Variants in HS6ST2 observed in about 807,000 individuals in gnomAD.
HS6ST2 encodes heparan-sulfate 6-O-sulfotransferase 2.
A neutral mutation model predicts 33.0 loss-of-function variants in HS6ST2; 17 were observed. The observed-to-expected ratio is 0.52, with a 90% CI of 0.35 to 0.77. The LOEUF (loss-of-function observed/expected upper bound fraction) is 0.77. Among genes scored for constraint, HS6ST2 ranks in the 30% least tolerant of loss-of-function variants. HS6ST2 has a pLI of 0.01. For missense variants in HS6ST2, 519 were observed against 551.7 expected, an observed-to-expected ratio of 0.94 and a Z score of 0.59; for synonymous variants, 248 against 237.1, an observed-to-expected ratio of 1.05 and a Z score of -0.42.
chrX:132,654,513 T>A lies in HS6ST2; in HGVS notation c.1067+14600A>T, dbSNP rs188385241. 2.2e-3 allele frequency among the ~76,000 whole-genome samples: 246 copies of A among 111,716 alleles called. 2 individuals are homozygous for A. Among genetic ancestry groups the A allele is most frequent in the Middle Eastern group, 4.7e-3 (1 of 213 alleles). On this transcript the variant is annotated intron_variant, in intron 4 of 4. Coordinates refer to ENST00000370833, the MANE Select transcript of HS6ST2 (RefSeq NM_001394073.1). ...TACTATAGTTGGCTCAATACCAAAATCCTCAACAAAATGCTCTTTGTTTAA... is the reference window on the plus strand; with the variant it reads ...TACTATAGTTGGCTCAATACCAAAAACCTCAACAAAATGCTCTTTGTTTAA...
chrX:132,732,477 C>T (rs767523837), intron 2 of HS6ST2, among the ~76,000 whole-genome samples: 3 of 111,741 alleles, frequency 2.7e-5, no homozygotes, highest in South Asian at 3.8e-4. Context: ...ACCGTTTGGC[C>T]GTGTTCCCAT....
At chrX:132,682,762 G>A (rs1047022570) in intron 3 of HS6ST2, among the ~76,000 whole-genome samples, 2 of 109,647 alleles carry the variant, frequency 1.8e-5, no homozygotes, top group Non-Finnish European at 3.8e-5. Flanking sequence ...TAAAACCCCA[G>A]AAGGGGAGTA....
At chrX:132,799,514 C>G (rs1359684855) in intron 2 of HS6ST2, among the ~76,000 whole-genome samples, 1 of 109,645 alleles carries the variant, frequency 9.1e-6, no homozygotes, top group Non-Finnish European at 1.9e-5. Flanking sequence ...AGCTATACTA[C>G]AGGTGCATGC....
In HS6ST2 at chrX:132,665,762, T is replaced by C. The variant is rs189974802; in HGVS notation, c.1067+3351A>G. 6.1e-4 allele frequency among the ~76,000 whole-genome samples: 65 copies of C among 107,157 alleles called. 2 individuals are homozygous for C. The East Asian group carries it at 0.018, about 30-fold the overall frequency. The allele number at this position is 107,157 out of a possible 115,157, so 93.1% of individuals were successfully genotyped here. On this transcript the variant is annotated intron_variant, in intron 4 of 4. Transcript: ENST00000370833. Reference sequence around the variant, plus strand: ...GTTCTGCACTGAAGTTTTTTTTTTTTCTGTCTTGTCAATTTGGCTCACTGT... The same window carrying C: ...GTTCTGCACTGAAGTTTTTTTTTTTCCTGTCTTGTCAATTTGGCTCACTGT...
chrX:132,650,773 T>TCTCTCTCTCTCTCTC (rs2063685498), intron 4 of HS6ST2, among the ~76,000 whole-genome samples: 8 of 51,641 alleles, frequency 1.5e-4, no homozygotes, highest in Admixed American at 5.2e-4. Context: ...CTCTCTCTCT[T>TCTCTCTCTCTCTCTC]CTTTTTTGTT....
chrX:132,713,648 T>A (rs2064250821), intron 2 of HS6ST2, among the ~76,000 whole-genome samples: 1 of 111,828 alleles, frequency 8.9e-6, no homozygotes, highest in Admixed American at 9.4e-5. Flanking sequence ...ATGTTTGGCA[T>A]GAGAATACTG....
chrX:132,674,684 T>C (rs1324290649), intron 3 of HS6ST2, among the ~76,000 whole-genome samples: 5 of 112,457 alleles, frequency 4.4e-5, no homozygotes, highest in Non-Finnish European at 9.4e-5. Context: ...TATATTATTT[T>C]CTCATTTAAG....
chrX:132,913,121 G>A (rs779305674), intron 2 of HS6ST2, among the ~76,000 whole-genome samples: 211 of 111,214 alleles, frequency 1.9e-3, no homozygotes, highest in African/African-American at 6.1e-3. Flanking sequence ...ACTGAGAGCT[G>A]CCATGCAATA....
chrX:132,698,748 C>G (rs2064121334), intron 3 of HS6ST2, among the ~76,000 whole-genome samples: 1 of 111,574 alleles, frequency 9.0e-6, no homozygotes, highest in Non-Finnish European at 1.9e-5. Context: ...CCCTATCTAG[C>G]ACTCCACTTA....
intron 2 of HS6ST2, among the ~76,000 whole-genome samples, chrX:132,953,863 T>C (rs2067040899): frequency 8.9e-6 from 1 of 112,409 alleles, no homozygotes; most frequent in African/African-American, 3.2e-5. Context: ...CAACATTTAT[T>C]GTGTTCATTC....
At chrX:132,821,809 G>A (rs140335814) in intron 2 of HS6ST2, among the ~76,000 whole-genome samples, 1 of 110,843 alleles carries the variant, frequency 9.0e-6, no homozygotes, top group African/African-American at 3.3e-5. Context: ...TGGGCAACAT[G>A]GCGAAACCCT....
At chrX:132,928,521 T>A (rs2066731844) in intron 2 of HS6ST2, among the ~76,000 whole-genome samples, 1 of 41,858 alleles carries the variant, frequency 2.4e-5, no homozygotes, top group Non-Finnish European at 4.2e-5. Context: ...TCCAAATACC[T>A]CCCACCGGGC....
chrX:132,834,977 T>C (rs2065627046), intron 2 of HS6ST2, among the ~76,000 whole-genome samples: 1 of 112,229 alleles, frequency 8.9e-6, no homozygotes, highest in Non-Finnish European at 1.9e-5. Context: ...TAATGGTATT[T>C]TAAGTGAGTT....
chrX:132,659,015 A>T (rs892701812), intron 4 of HS6ST2, among the ~76,000 whole-genome samples: 1 of 111,702 alleles, frequency 9.0e-6, no homozygotes, highest in Non-Finnish European at 1.9e-5. Flanking sequence ...GATCCAAAAC[A>T]CTAGCTCCTG....
At chrX:132,789,732 G>A (rs2065100685) in intron 2 of HS6ST2, among the ~76,000 whole-genome samples, 1 of 111,927 alleles carries the variant, frequency 8.9e-6, no homozygotes, top group African/African-American at 3.2e-5. Context: ...ACATTAACGG[G>A]AGTTTGGAAG....
At chrX:132,674,548 C>T (rs1170543481) in intron 3 of HS6ST2, among the ~76,000 whole-genome samples, 1 of 112,075 alleles carries the variant, frequency 8.9e-6, no homozygotes, top group Admixed American at 9.5e-5. Context: ...GCAATGGGCT[C>T]ATTTATTTTT....
At chrX:132,943,215 T>G (rs1043981337) in intron 2 of HS6ST2, among the ~76,000 whole-genome samples, 1 of 111,904 alleles carries the variant, frequency 8.9e-6, no homozygotes, top group Non-Finnish European at 1.9e-5. Context: ...TCCACTTAGC[T>G]TGTATAGACT....
chrX:132,852,318 G>A (rs965792894), intron 2 of HS6ST2, among the ~76,000 whole-genome samples: 24 of 111,723 alleles, frequency 2.1e-4, no homozygotes, highest in Admixed American at 9.5e-5. Context: ...GATATTACAC[G>A]CTGTATAAAC....
chrX:132,891,642 T>G, intron 2 of HS6ST2, among the ~76,000 whole-genome samples: 1 of 110,974 alleles, frequency 9.0e-6, no homozygotes, highest in East Asian at 2.9e-4. Flanking sequence ...GGTGTTTGAT[T>G]TTTTGTCCTT....
Sources: allele counts gnomAD v4.1 joint callset (sites outside exome capture counted in the v4.1 genomes callset), GRCh38; gene constraint gnomAD v4.1.1; transcripts MANE v1.5; gene names NCBI Gene and HGNC (gene_info 2026-07-23, HGNC 2026-07-21).